Variants in SYNE2 observed in about 807,000 individuals in gnomAD.
SYNE2 encodes the protein nesprin-2.
In SYNE2, 431 loss-of-function variants were observed where a neutral mutation model predicts 856.3. The observed-to-expected ratio is 0.50, with a 90% CI of 0.47 to 0.55. SYNE2 has a LOEUF of 0.55. Ranked by LOEUF, SYNE2 falls within the 20% of genes least tolerant of loss-of-function variation. The pLI is 0.00. For missense variants in SYNE2, 8,129 were observed against 8,023.2 expected (o/e 1.01, Z -0.50); for synonymous variants, 2,923 against 2,872.3 (o/e 1.02, Z -0.56).
chr14:63,986,186 A>G (rs1249919315), intron 18 of SYNE2, among the ~76,000 whole-genome samples: 2 of 152,068 alleles, frequency 1.3e-5, no homozygotes, highest in African/African-American at 2.4e-5. Flanking sequence ...TGTAGCCCCA[A>G]ACTCCTGGGT....
chr14:64,128,928 A>G (rs1322224825), intron 74 of SYNE2, among the ~76,000 whole-genome samples: 2 of 152,220 alleles, frequency 1.3e-5, no homozygotes, highest in Non-Finnish European at 2.9e-5. Flanking sequence ...GTATTTAGCA[A>G]ATATTAATTG....
intron 64 of SYNE2, among the ~76,000 whole-genome samples, chr14:64,102,691 TATACA>T (rs978182587): frequency 3.3e-5 from 5 of 152,032 alleles, no homozygotes; most frequent in African/African-American, 4.8e-5. Flanking sequence ...AACTTTTAAG[TATACA>T]ATACATTATT....
intron 99 of SYNE2, chr14:64,191,207 T>C (rs1268223645): frequency 1.1e-5 from 3 of 285,648 alleles, no homozygotes; most frequent in Non-Finnish European, 1.9e-5. Context: ...TAATTTAAAT[T>C]ATTAAGTTTG....
chr14:64,116,603 A>G (rs959182545), intron 66 of SYNE2, among the ~76,000 whole-genome samples: 2 of 152,158 alleles, frequency 1.3e-5, no homozygotes. Flanking sequence ...TTTTTAGTAG[A>G]AACGGTTTCC....
intron 9 of SYNE2, among the ~76,000 whole-genome samples, chr14:63,963,148 G>A (rs1384489723): frequency 6.6e-6 from 1 of 152,198 alleles, no homozygotes; most frequent in African/African-American, 2.4e-5. Context: ...TGCTGACTCT[G>A]GAAGAGAGTC....
intron 2 of SYNE2, among the ~76,000 whole-genome samples, chr14:63,920,114 G>C (rs2095581874): frequency 6.6e-6 from 1 of 151,626 alleles, no homozygotes; most frequent in Non-Finnish European, 1.5e-5. Context: ...AACACTTACT[G>C]TGTATAAGGA....
intron 49 of SYNE2, among the ~76,000 whole-genome samples, chr14:64,060,025 C>A (rs2097303898): frequency 6.6e-6 from 1 of 152,128 alleles, no homozygotes; most frequent in Admixed American, 6.5e-5. Flanking sequence ...TGAATGCTGC[C>A]AGGCCTGAGA....
intron 7 of SYNE2, among the ~76,000 whole-genome samples, chr14:63,953,674 A>G (rs2096201179): frequency 6.6e-6 from 1 of 152,178 alleles, no homozygotes; most frequent in Non-Finnish European, 1.5e-5. Flanking sequence ...ATTGTTGTGT[A>G]ACCATCACCA....
chr14:63,869,158 G>A (rs1486629053), intron 1 of SYNE2, among the ~76,000 whole-genome samples: 1 of 152,212 alleles, frequency 6.6e-6, no homozygotes, highest in East Asian at 1.9e-4. Flanking sequence ...AAACCCTGAG[G>A]TGGAAACTGA....
chr14:64,220,540 A>C lies in SYNE2; in HGVS notation c.19964A>C (p.Gln6655Pro). ...GAGAGCCCCGAATCCACAGAGCTCC[A>C]AAGTAGACTCCGCCAGCTGAGCCTG... ...QTESPESTELQSRLRQLSLLW... is the reference protein window; with the variant it reads ...QTESPESTELPSRLRQLSLLW... Residue 6655 changes from glutamine to proline, a missense_variant, in exon 111 of 116, where the codon CAA becomes CCA. Physicochemically the swap from Gln to Pro is moderately conservative, Grantham distance 76. Coordinates refer to ENST00000555002, the MANE Select transcript of SYNE2 (RefSeq NM_182914.3). 2 of 1,614,118 alleles carry C rather than the reference A, an allele frequency of 1.2e-6. No individual in the cohort carries two copies. The highest frequency in any genetic ancestry group is 1.7e-6 in the Non-Finnish European group (2 of 1,180,020).
chr14:63,828,466 C>G (rs1316183860), intron 1 of SYNE2, among the ~76,000 whole-genome samples: 2 of 151,890 alleles, frequency 1.3e-5, no homozygotes, highest in Non-Finnish European at 2.9e-5. Flanking sequence ...ATGGTAAAAC[C>G]TGTCTCTACT....
At chr14:63,985,125 T>G (rs999737346) in intron 18 of SYNE2, among the ~76,000 whole-genome samples, 7 of 151,370 alleles carry the variant, frequency 4.6e-5, no homozygotes, top group Non-Finnish European at 5.9e-5. Context: ...AGGTCAGGAG[T>G]TTGAGACCAG....
intron 64 of SYNE2, among the ~76,000 whole-genome samples, chr14:64,103,284 G>A (rs1446559834): frequency 6.6e-6 from 1 of 151,138 alleles, no homozygotes; most frequent in Non-Finnish European, 1.5e-5. Flanking sequence ...TCACTGCACT[G>A]TTTTACCAAA....
At chr14:64,185,851 A>C (rs1226422965) in intron 96 of SYNE2, among the ~76,000 whole-genome samples, 1 of 152,156 alleles carries the variant, frequency 6.6e-6, no homozygotes, top group Non-Finnish European at 1.5e-5. Context: ...AGATGTTTCC[A>C]TGGCCAGAAA....
At chr14:63,910,378 G>A (rs1164825996) in intron 2 of SYNE2, among the ~76,000 whole-genome samples, 2 of 152,162 alleles carry the variant, frequency 1.3e-5, no homozygotes. Context: ...TGTTAGAATA[G>A]ACAGTATCTG....
Position 63,983,785 on chromosome 14 carries a change from G to C in SYNE2, c.2050G>C (p.Asp684His). The change falls in exon 18 of 116, where the codon GAC (aspartate) becomes CAC (histidine). Residue 684 changes from aspartate (D) to histidine (H), a missense_variant. This residue lies in a region of SYNE2 where 2,422 missense variants were observed against 2,357.4 expected (regional missense o/e 1.03). Coordinates refer to ENST00000555002, the MANE Select transcript of SYNE2 (RefSeq NM_182914.3). ...MIKKQDQPTFDNSGNILSKEE... is the reference protein window; with the variant it reads ...MIKKQDQPTFHNSGNILSKEE... ...AAAAAAACAGGATCAGCCCACTTTT[G>C]ACAATTCTGGAAATATTCTATCTAA... is the stretch of plus-strand genomic sequence containing the variant. The C allele has an allele frequency of 2.5e-6, 4 of 1,612,836 alleles. No homozygotes were observed. Among genetic ancestry groups the C allele is most frequent in the Non-Finnish European group, 3.4e-6 (4 of 1,179,162 alleles).
chr14:63,991,169 T>C (rs2096663639), intron 21 of SYNE2, 54 bp downstream of exon 21: 6 of 1,551,728 alleles, frequency 3.9e-6, no homozygotes. Context: ...CTGCCTATCT[T>C]GTTTGAAATC....
At chr14:64,208,712 C>T in intron 100 of SYNE2, 46 bp from the exon 101 acceptor site, 1 of 1,605,798 alleles carries the variant, frequency 6.2e-7, no homozygotes, top group Non-Finnish European at 8.5e-7. Context: ...GACCCTCCTG[C>T]TGCCACCAAC....
At position 64,031,129 on chromosome 14, in the gene SYNE2, T is replaced by C. The variant is rs781188791; in HGVS notation, c.6993T>C (p.Asp2331=). The change falls in exon 45 of 116, where the codon GAT becomes GAC. Residue 2331 remains aspartate, a synonymous_variant. Transcript: ENST00000555002. ...SSVGQKIIKD[D]IKSLQCKQKD... is the part of the protein sequence containing the mutation. ...TGGGGCAGAAGATTATTAAAGATGA[T>C]ATAAAATCACTTCAGTGTAAACAAA... 2.9e-5 allele frequency: 47 copies of C among 1,614,008 alleles called. No homozygotes were observed. The highest frequency in any genetic ancestry group is 3.9e-5 in the Non-Finnish European group (46 of 1,179,994).
Sources: gnomAD v4.1 joint callset for allele counts (sites outside exome capture counted in the v4.1 genomes callset) on GRCh38, gnomAD v4.1.1 for gene constraint, gnomAD v4.1.1 regional missense constraint, MANE v1.5 for transcripts, NCBI Gene and HGNC (gene_info 2026-07-23, HGNC 2026-07-21) for gene names.